The following ADGRB3 variants were observed in gnomAD, a reference collection of about 807,000 sequenced individuals.
ADGRB3 encodes the protein brain-specific angiogenesis inhibitor 3.
A neutral mutation model predicts 193.4 loss-of-function variants in ADGRB3; 37 were observed. The ratio of observed to expected loss-of-function variants is 0.19; its 90% CI spans 0.15 to 0.25. The LOEUF is 0.25. ADGRB3 is among the 10% of genes least tolerant of loss of function. The pLI, the probability that ADGRB3 is intolerant of heterozygous loss-of-function variation, is 1.00. For synonymous variants in ADGRB3, 690 were observed against 644.2 expected (o/e 1.07, Z -1.08); for missense variants, 1,637 against 1,852.9 (o/e 0.88, Z 2.14).
intron 13 of ADGRB3, among the ~76,000 whole-genome samples, chr6:69,045,809 T>C (rs1422900471): frequency 6.6e-6 from 1 of 152,142 alleles, no homozygotes; most frequent in Non-Finnish European, 1.5e-5. Flanking sequence ...GTGTTTATTT[T>C]TGTGCACTTC....
chr6:68,981,783 G>A (rs775532085), intron 10 of ADGRB3, among the ~76,000 whole-genome samples: 2 of 151,380 alleles, frequency 1.3e-5, no homozygotes, highest in Non-Finnish European at 3.0e-5. Context: ...AATACACTTT[G>A]TTTCTGTTTT....
intron 4 of ADGRB3, among the ~76,000 whole-genome samples, chr6:68,935,731 A>G (rs1461105779): frequency 1.3e-5 from 2 of 152,154 alleles, no homozygotes; most frequent in South Asian, 2.1e-4. Flanking sequence ...TTGAGACATA[A>G]TAAAAGAAAT....
chr6:68,858,059 C>T (rs990804457), intron 3 of ADGRB3, among the ~76,000 whole-genome samples: 25 of 152,178 alleles, frequency 1.6e-4, no homozygotes, highest in African/African-American at 6.0e-4. Context: ...CTTCCTCATC[C>T]ATGTTGAACT....
rs150669739 is a variant in ADGRB3, at chr6:68,932,798, A to G, written c.868+2129A>G. 8.2e-4 allele frequency among the ~76,000 whole-genome samples: 125 copies of G among 151,556 alleles called. 1 individual carries two copies. The East Asian group carries it at 0.023, about 27-fold the overall frequency. ...AACAAAGAATAAGGCAAAAACATACATTTAAATAATAATAAAAGACAATAT... is the reference window on the plus strand; with the variant it reads ...AACAAAGAATAAGGCAAAAACATACGTTTAAATAATAATAAAAGACAATAT... On this transcript the variant is annotated intron_variant, in intron 4 of 31. Coordinates refer to ENST00000370598, the MANE Select transcript of ADGRB3 (RefSeq NM_001704.3).
At chr6:68,789,587 A>AT (rs1262146230) in intron 3 of ADGRB3, among the ~76,000 whole-genome samples, 1 of 151,856 alleles carries the variant, frequency 6.6e-6, no homozygotes, top group Non-Finnish European at 1.5e-5. Flanking sequence ...TGCCCTTAAC[A>AT]TTTTTTCCTT....
chr6:69,210,183 TTAA>T (rs1554170427), intron 17 of ADGRB3, among the ~76,000 whole-genome samples: 11 of 135,778 alleles, frequency 8.1e-5, no homozygotes, highest in South Asian at 4.5e-4. Flanking sequence ...GGGGAGTTTA[TTAA>T]ATATTAACTC....
At chr6:69,130,888 C>G (rs1773990527) in intron 17 of ADGRB3, among the ~76,000 whole-genome samples, 1 of 151,948 alleles carries the variant, frequency 6.6e-6, no homozygotes, top group Non-Finnish European at 1.5e-5. Flanking sequence ...CTAGCAAATC[C>G]TACCAGAGGC....
chr6:69,313,942 C>G (rs1768255115), intron 20 of ADGRB3, among the ~76,000 whole-genome samples: 1 of 151,710 alleles, frequency 6.6e-6, no homozygotes, highest in South Asian at 2.1e-4. Context: ...AAAATGCTTC[C>G]TTTTTATGAA....
chr6:68,848,733 G>T (rs974422806), intron 3 of ADGRB3, among the ~76,000 whole-genome samples: 2 of 151,924 alleles, frequency 1.3e-5, no homozygotes, highest in Non-Finnish European at 2.9e-5. Context: ...AACAAGTAAC[G>T]TAAGCATTGT....
intron 3 of ADGRB3, among the ~76,000 whole-genome samples, chr6:68,839,385 T>C (rs1380295852): frequency 6.6e-6 from 1 of 152,238 alleles, no homozygotes; most frequent in Non-Finnish European, 1.5e-5. Flanking sequence ...CTTCATTATG[T>C]AGTGTCAAAA....
chr6:69,258,096 A>G (rs924836866), intron 20 of ADGRB3, among the ~76,000 whole-genome samples: 31 of 152,340 alleles, frequency 2.0e-4, no homozygotes, highest in Admixed American at 2.0e-3. Context: ...CGATATAAAG[A>G]CGAATATCTT....
chr6:69,083,838 G>A (rs919337962), intron 17 of ADGRB3, among the ~76,000 whole-genome samples: 20 of 143,322 alleles, frequency 1.4e-4, no homozygotes, highest in African/African-American at 5.2e-4. Flanking sequence ...GCAGTGGCAC[G>A]ATCTCGGCTC....
intron 24 of ADGRB3, among the ~76,000 whole-genome samples, chr6:69,335,534 T>C (rs887637662): frequency 1.3e-5 from 2 of 152,110 alleles, no homozygotes; most frequent in African/African-American, 2.4e-5. Context: ...TAAAGTACTG[T>C]TTTAGCTTAA....
chr6:69,079,450 C>A (rs1175007908), intron 17 of ADGRB3, among the ~76,000 whole-genome samples: 1 of 152,024 alleles, frequency 6.6e-6, no homozygotes. Context: ...CTATTTATGG[C>A]AAACCTACAG....
intron 3 of ADGRB3, among the ~76,000 whole-genome samples, chr6:68,924,515 A>G (rs939332504): frequency 3.3e-5 from 5 of 152,062 alleles, no homozygotes; most frequent in African/African-American, 1.2e-4. Flanking sequence ...ATATTTGGTA[A>G]TCACTTCTAC....
intron 31 of ADGRB3, among the ~76,000 whole-genome samples, chr6:69,388,142 A>T (rs907387394): frequency 9.2e-5 from 14 of 152,244 alleles, no homozygotes; most frequent in African/African-American, 3.1e-4. Context: ...TCTGTATTCT[A>T]CAACAAAAAA....
At chr6:68,856,281 T>C (rs543746769) in intron 3 of ADGRB3, among the ~76,000 whole-genome samples, 16 of 152,262 alleles carry the variant, frequency 1.1e-4, no homozygotes, top group African/African-American at 3.6e-4. Flanking sequence ...AAAAGATACC[T>C]GAAAATGTGG....
intron 3 of ADGRB3, among the ~76,000 whole-genome samples, chr6:68,844,286 G>A (rs1320524199): frequency 6.6e-6 from 1 of 151,390 alleles, no homozygotes; most frequent in Non-Finnish European, 1.5e-5. Context: ...TCTCACAAAT[G>A]ATTAATAACT....
At chr6:69,251,621 C>T (rs1766623080) in intron 20 of ADGRB3, among the ~76,000 whole-genome samples, 1 of 152,064 alleles carries the variant, frequency 6.6e-6, no homozygotes, top group African/African-American at 2.4e-5. Flanking sequence ...ATCTGGCACA[C>T]AATATACTTT....
Sources: allele counts gnomAD v4.1 joint callset (sites outside exome capture counted in the v4.1 genomes callset), GRCh38; gene constraint gnomAD v4.1.1; transcripts MANE v1.5; gene names NCBI Gene and HGNC (gene_info 2026-07-23, HGNC 2026-07-21).